Variants in STK39 observed in about 807,000 individuals in gnomAD.
The protein encoded by STK39 is STE20/SPS1-related proline-alanine-rich protein kinase.
STK39 carries 20 observed loss-of-function variants against 77.8 expected under a neutral mutation model. The ratio of observed to expected loss-of-function variants is 0.26; its 90% confidence interval spans 0.18 to 0.37. STK39 has a LOEUF of 0.37. Ranked by LOEUF, STK39 falls within the 10% of genes least tolerant of loss-of-function variation. STK39 has a pLI of 1.00. For missense variants in STK39, 479 were observed against 656.5 expected (o/e 0.73, Z 2.95); for synonymous variants, 246 against 234.1 (o/e 1.05, Z -0.47).
intron 1 of STK39, among the ~76,000 whole-genome samples, chr2:168,198,646 G>T (rs1190293855): frequency 6.6e-6 from 1 of 152,172 alleles, no homozygotes; most frequent in East Asian, 1.9e-4. Context: ...ATCTAAACCA[G>T]AGTGTGTGCA....
intron 16 of STK39, among the ~76,000 whole-genome samples, chr2:167,976,606 A>G (rs1683282954): frequency 6.6e-6 from 1 of 152,050 alleles, no homozygotes; most frequent in Non-Finnish European, 1.5e-5. Flanking sequence ...GGTTTTTTGC[A>G]TGTCTGACAC....
intron 1 of STK39, among the ~76,000 whole-genome samples, chr2:168,191,398 A>C (rs964529116): frequency 1.8e-4 from 27 of 152,344 alleles, no homozygotes; most frequent in African/African-American, 6.3e-4. Flanking sequence ...CTATTAAAAA[A>C]AAAATTAAAA....
At chr2:168,236,243 T>C (rs1690604042) in intron 1 of STK39, among the ~76,000 whole-genome samples, 1 of 152,246 alleles carries the variant, frequency 6.6e-6, no homozygotes, top group Non-Finnish European at 1.5e-5. Flanking sequence ...TTTGGCTGCA[T>C]AAATGTCTTC....
At chr2:168,219,869 C>CTT (rs200725506) in intron 1 of STK39, among the ~76,000 whole-genome samples, 2,790 of 86,510 alleles carry the variant, frequency 0.032, 103 homozygotes, top group African/African-American at 0.079. Context: ...ACTTTTCTTG[C>CTT]TTTTTTTTTT....
chr2:168,165,411 G>A (rs1312844486), intron 3 of STK39, among the ~76,000 whole-genome samples: 1 of 151,968 alleles, frequency 6.6e-6, no homozygotes, highest in Non-Finnish European at 1.5e-5. Flanking sequence ...GGACTATTCA[G>A]GGTCTCAAGT....
intron 1 of STK39, among the ~76,000 whole-genome samples, chr2:168,243,767 T>C (rs150508668): frequency 7.5e-4 from 115 of 152,358 alleles, no homozygotes; most frequent in Non-Finnish European, 6.6e-4. Context: ...TAAACACTTA[T>C]ATGATTCACT....
At chr2:168,047,198 C>T (rs901284233) in intron 14 of STK39, among the ~76,000 whole-genome samples, 1 of 152,114 alleles carries the variant, frequency 6.6e-6, no homozygotes, top group African/African-American at 2.4e-5. Context: ...GCTAAAAATA[C>T]TCTATAAGCA....
At chr2:168,062,525 CA>C (rs1332220027) in intron 14 of STK39, among the ~76,000 whole-genome samples, 36 of 152,222 alleles carry the variant, frequency 2.4e-4, no homozygotes, top group African/African-American at 8.7e-4. Flanking sequence ...CGTGAAAATG[CA>C]GACTATAAAT....
chr2:168,174,929 AACTTTTACC>A (rs1294639763), intron 2 of STK39, among the ~76,000 whole-genome samples: 2 of 151,890 alleles, frequency 1.3e-5, no homozygotes, highest in Admixed American at 6.6e-5. Context: ...CCTAGAGGCC[AACTTTTACC>A]ACTGCTGCTG....
chr2:168,242,549 A>AC (rs1690786532), intron 1 of STK39, among the ~76,000 whole-genome samples: 1 of 33,446 alleles, frequency 3.0e-5, no homozygotes, highest in Non-Finnish European at 6.0e-5. Context: ...ACTCTTACAA[A>AC]AAAAAAAAAA....
chr2:168,112,498 G>GT (rs1687145672), intron 10 of STK39, among the ~76,000 whole-genome samples: 1 of 152,094 alleles, frequency 6.6e-6, no homozygotes, highest in Non-Finnish European at 1.5e-5. Context: ...CTGCTGCCAT[G>GT]TAAGATGCGT....
chr2:168,021,635 G>C (rs1457131920), intron 14 of STK39, among the ~76,000 whole-genome samples: 1 of 152,068 alleles, frequency 6.6e-6, no homozygotes, highest in Non-Finnish European at 1.5e-5. Context: ...AAAAACTTGA[G>C]AGTAACAGTT....
intron 15 of STK39, among the ~76,000 whole-genome samples, chr2:168,015,239 G>A (rs3769424): frequency 0.13 from 20,098 of 152,128 alleles, 2,876 homozygotes; most frequent in African/African-American, 0.35. Flanking sequence ...AAACACAAAG[G>A]GCTTGTCCTC....
intron 10 of STK39, among the ~76,000 whole-genome samples, chr2:168,102,973 A>C (rs1361834721): frequency 1.3e-5 from 2 of 149,078 alleles, no homozygotes; most frequent in Admixed American, 1.3e-4. Flanking sequence ...CTCTGGGTGA[A>C]TTTTCTCTTT....
intron 1 of STK39, among the ~76,000 whole-genome samples, chr2:168,204,858 C>G (rs562774394): frequency 1.3e-5 from 2 of 152,242 alleles, no homozygotes; most frequent in East Asian, 3.9e-4. Context: ...TTCACTACAC[C>G]CAACAAAATA....
In STK39 at chr2:167,961,136, G is replaced by A. The variant is rs558584173; in HGVS notation, c.1563+3526C>T. The stretch of plus-strand genomic sequence containing the variant: ...GTCTCACTTTTCTACCCCTTCAGTA[G>A]GAGGAGAAAGTTAAAACGCTTAGGT... On this transcript the variant is annotated intron_variant, in intron 17 of 17. Coordinates refer to ENST00000355999, the MANE Select transcript of STK39 (RefSeq NM_013233.3). Among the ~76,000 whole-genome samples, 40 of 152,294 alleles carry A rather than the reference G, an allele frequency of 2.6e-4. No homozygotes were observed. In the Middle Eastern group the frequency reaches 0.014, roughly 52 times the overall value.
At chr2:168,141,953 T>C (rs150382353) in intron 5 of STK39, among the ~76,000 whole-genome samples, 1 of 108,898 alleles carries the variant, frequency 9.2e-6, no homozygotes, top group African/African-American at 3.0e-5. Context: ...ATTTTATTTA[T>C]ATTTAAATTT....
At chr2:168,087,448 A>T (rs1026471286) in intron 10 of STK39, among the ~76,000 whole-genome samples, 4 of 152,204 alleles carry the variant, frequency 2.6e-5, no homozygotes, top group African/African-American at 9.6e-5. Context: ...ATTGACTTTA[A>T]GTAAAGGGAA....
chr2:168,166,404 C>T (rs985215597), intron 3 of STK39, among the ~76,000 whole-genome samples: 2 of 152,200 alleles, frequency 1.3e-5, no homozygotes, highest in Non-Finnish European at 2.9e-5. Context: ...TTGTCAATGG[C>T]TTGCATCACT....
Sources: gnomAD v4.1 joint callset for allele counts (sites outside exome capture counted in the v4.1 genomes callset) on GRCh38, gnomAD v4.1.1 for gene constraint, MANE v1.5 for transcripts, NCBI Gene and HGNC (gene_info 2026-07-23, HGNC 2026-07-21) for gene names.